Variants in NRXN1 observed in about 807,000 individuals in gnomAD.
The protein encoded by NRXN1 is neurexin-1.
NRXN1 carries 39 observed loss-of-function variants against 150.9 expected under a neutral mutation model. The ratio of observed to expected loss-of-function variants is 0.26; its 90% CI spans 0.20 to 0.34. The LOEUF (loss-of-function observed/expected upper bound fraction) is 0.34, where lower values mean the gene tolerates loss of function less well. Ranked by LOEUF, NRXN1 falls within the 10% of genes least tolerant of loss-of-function variation. The pLI is 1.00. For synonymous variants in NRXN1, 924 were observed against 757.0 expected, an observed-to-expected ratio of 1.22 and a Z score of -3.62; for missense variants, 1,815 against 1,949.9, an observed-to-expected ratio of 0.93 and a Z score of 1.30.
At chr2:50,720,299 G>C (rs1042777773) in intron 5 of NRXN1, among the ~76,000 whole-genome samples, 11 of 152,066 alleles carry the variant, frequency 7.2e-5, no homozygotes, top group African/African-American at 2.4e-4. Context: ...TATAAAACCA[G>C]TTACAACATG....
intron 18 of NRXN1, among the ~76,000 whole-genome samples, chr2:50,217,278 G>C (rs971725436): frequency 6.6e-6 from 1 of 152,016 alleles, no homozygotes; most frequent in Non-Finnish European, 1.5e-5. Flanking sequence ...TTAAAAAGCA[G>C]TAGACTTATT....
At chr2:49,935,494 G>T (rs17039476) in intron 22 of NRXN1, among the ~76,000 whole-genome samples, 1,796 of 152,160 alleles carry the variant, frequency 0.012, 44 homozygotes, top group African/African-American at 0.04. Flanking sequence ...CCAGTGTCAG[G>T]CTTCTTATAA....
chr2:50,250,601 T>A lies in NRXN1; in HGVS notation c.3365-13631A>T, dbSNP rs1307182132. Among the ~76,000 whole-genome samples, 3 of 152,070 alleles carry A rather than the reference T, an allele frequency of 2.0e-5. No individual in the cohort carries two copies. The East Asian group carries it at 5.8e-4, about 29-fold the overall frequency. The stretch of plus-strand genomic sequence containing the variant: ...AGAGATTAGATAAGTTCTAGTATCT[T>A]AGTTTATTAAAAATTCTATGAAATG... On this transcript the variant is annotated intron_variant, in intron 17 of 22. Transcript: ENST00000401669.
intron 17 of NRXN1, among the ~76,000 whole-genome samples, chr2:50,314,773 T>C (rs2075456627): frequency 6.6e-6 from 1 of 152,054 alleles, no homozygotes; most frequent in Non-Finnish European, 1.5e-5. Context: ...TGAAGAGTAA[T>C]GCCGAAGATC....
At chr2:50,455,306 C>T (rs2087436712) in intron 17 of NRXN1, among the ~76,000 whole-genome samples, 1 of 152,114 alleles carries the variant, frequency 6.6e-6, no homozygotes, top group African/African-American at 2.4e-5. Context: ...AGACCTACTC[C>T]ATTTGGCTTT....
At chr2:50,028,548 A>T (rs1035734728) in intron 21 of NRXN1, among the ~76,000 whole-genome samples, 1 of 152,160 alleles carries the variant, frequency 6.6e-6, no homozygotes. Context: ...AAAACAAGGG[A>T]GTCTTACTCC....
intron 18 of NRXN1, among the ~76,000 whole-genome samples, chr2:50,121,911 T>C (rs1703910478): frequency 6.6e-6 from 1 of 152,194 alleles, no homozygotes; most frequent in Non-Finnish European, 1.5e-5. Context: ...TGAAACAGCA[T>C]ACAACCGCAA....
intron 5 of NRXN1, among the ~76,000 whole-genome samples, chr2:50,714,480 G>T (rs936989479): frequency 6.6e-6 from 1 of 152,016 alleles, no homozygotes; most frequent in Non-Finnish European, 1.5e-5. Context: ...GTTCATCTTG[G>T]AACTGAAAGA....
intron 5 of NRXN1, among the ~76,000 whole-genome samples, chr2:50,872,425 G>C (rs920931260): frequency 4.0e-4 from 60 of 151,598 alleles, no homozygotes; most frequent in Admixed American, 1.7e-3. Context: ...ATGTTGAATG[G>C]GGAGCGAGTA....
At chr2:50,412,374 A>G (rs952374491) in intron 17 of NRXN1, among the ~76,000 whole-genome samples, 4 of 147,576 alleles carry the variant, frequency 2.7e-5, no homozygotes, top group Non-Finnish European at 4.4e-5. Flanking sequence ...TTAAAGAGAC[A>G]TAATTCTCTC....
chr2:50,960,166 C>G (rs1039030093), intron 2 of NRXN1, among the ~76,000 whole-genome samples: 51 of 151,854 alleles, frequency 3.4e-4, no homozygotes, highest in African/African-American at 1.2e-3. Flanking sequence ...CATTAAAGAT[C>G]AGGTATTTAT....
At chr2:50,557,262 T>A (rs1398719948) in intron 8 of NRXN1, among the ~76,000 whole-genome samples, 1 of 152,152 alleles carries the variant, frequency 6.6e-6, no homozygotes, top group East Asian at 1.9e-4. Flanking sequence ...TGCTTCAGCT[T>A]GGAAATTACA....
At position 50,439,064 on chromosome 2, in the gene NRXN1, T is replaced by C. The variant is rs143549877; in HGVS notation, c.3364+26378A>G. On this transcript the variant is annotated intron_variant, in intron 17 of 22. Coordinates refer to ENST00000401669, the MANE Select transcript of NRXN1 (RefSeq NM_001330078.2). ...AGGGGCCACTGTGGGTTCTAATGGC[T>C]AGCTTTAAAAAGCCAAAATTGTGTC... 2.2e-3 allele frequency among the ~76,000 whole-genome samples: 336 copies of C among 152,306 alleles called. 1 individual carries two copies. Among genetic ancestry groups the C allele is most frequent in the African/African-American group, 7.9e-3 (327 of 41,570 alleles).
chr2:50,781,870 C>T (rs1025253247), intron 5 of NRXN1, among the ~76,000 whole-genome samples: 6 of 152,154 alleles, frequency 3.9e-5, no homozygotes, highest in African/African-American at 9.7e-5. Context: ...GTTCCCTCTG[C>T]TGTAAACTGG....
chr2:50,640,331 T>G (rs1263316564), intron 5 of NRXN1, among the ~76,000 whole-genome samples: 1 of 152,318 alleles, frequency 6.6e-6, no homozygotes, highest in East Asian at 1.9e-4. Context: ...ATAAACTTTG[T>G]GTAATAATAT....
chr2:50,406,667 C>T (rs375153325), intron 17 of NRXN1, among the ~76,000 whole-genome samples: 11 of 152,094 alleles, frequency 7.2e-5, no homozygotes, highest in African/African-American at 2.7e-4. Flanking sequence ...ATGTCCACAT[C>T]CATAATTAAT....
At chr2:50,089,393 CTT>C (rs1363043618) in intron 19 of NRXN1, among the ~76,000 whole-genome samples, 1 of 152,180 alleles carries the variant, frequency 6.6e-6, no homozygotes, top group Non-Finnish European at 1.5e-5. Flanking sequence ...AGTGTGATGA[CTT>C]TCTCTCAGCA....
chr2:50,125,402 G>C (rs1704436381), intron 18 of NRXN1, among the ~76,000 whole-genome samples: 1 of 151,908 alleles, frequency 6.6e-6, no homozygotes, highest in African/African-American at 2.4e-5. Context: ...CCTCTTATGT[G>C]CCTTTAAGCA....
chr2:50,408,605 A>G (rs1315590542), intron 17 of NRXN1, among the ~76,000 whole-genome samples: 1 of 152,046 alleles, frequency 6.6e-6, no homozygotes. Context: ...TCTGCAATAG[A>G]CTCCAAATTT....
Sources: allele counts gnomAD v4.1 joint callset (sites outside exome capture counted in the v4.1 genomes callset), GRCh38; gene constraint gnomAD v4.1.1; transcripts MANE v1.5; gene names NCBI Gene and HGNC (gene_info 2026-07-23, HGNC 2026-07-21).